The following KIAA0232 variants were observed in gnomAD, a reference collection of about 807,000 sequenced individuals.
KIAA0232 encodes the protein uncharacterized protein KIAA0232.
KIAA0232 carries 27 observed loss-of-function variants against 122.0 expected under a neutral mutation model. That is an observed-to-expected ratio of 0.22 (90% CI 0.16 to 0.31). The LOEUF is 0.31. KIAA0232 is among the 10% of genes least tolerant of loss of function. KIAA0232 has a pLI of 1.00. For missense variants in KIAA0232, 1,551 were observed against 1,634.2 expected, an observed-to-expected ratio of 0.95 and a Z score of 0.88; for synonymous variants, 613 against 587.6, an observed-to-expected ratio of 1.04 and a Z score of -0.63.
chr4:6,860,557 G>C (rs1371527909), intron 6 of KIAA0232, among the ~76,000 whole-genome samples: 2 of 152,200 alleles, frequency 1.3e-5, no homozygotes, highest in African/African-American at 4.8e-5. Flanking sequence ...TTCAAATTCA[G>C]ATAATGCTTA....
chr4:6,818,129 G>A (rs1718222750), intron 2 of KIAA0232, among the ~76,000 whole-genome samples: 1 of 152,070 alleles, frequency 6.6e-6, no homozygotes, highest in Non-Finnish European at 1.5e-5. Flanking sequence ...CAGGCTGGGT[G>A]AAGTGGCTCA....
Position 6,879,457 on chromosome 4 carries a change from G to A in KIAA0232, c.4009-1330G>A, listed in dbSNP as rs76044506. On this transcript the variant is annotated intron_variant, in intron 9 of 9. Transcript: ENST00000307659. ...GAGACAGATCCAAACTCCCCGCCAC[G>A]CCTCTACAGCCCTGTATGTTTTGCC... Among the ~76,000 whole-genome samples the A allele has an allele frequency of 5.7e-4, 86 of 152,176 alleles. No homozygotes were observed. In the East Asian group the frequency reaches 0.011, roughly 19 times the overall value.
intron 4 of KIAA0232, among the ~76,000 whole-genome samples, chr4:6,842,878 C>T (rs564044609): frequency 4.2e-4 from 64 of 152,172 alleles, no homozygotes; most frequent in South Asian, 8.3e-4. Context: ...CATGAGCCAT[C>T]GCGCCCGGCC....
rs1159054085 is a variant in KIAA0232 at position 6,804,515 on chromosome 4, T to C, written c.-353-8T>C. 1 of 152,252 alleles carries C rather than the reference T, an allele frequency of 6.6e-6. No individual in the cohort carries two copies. The highest frequency in any genetic ancestry group is 2.4e-5 in the African/African-American group (1 of 41,466). The allele number at this position is 152,252 out of a possible 1,614,324, so 9.4% of individuals were successfully genotyped here. ...TGATACTAAAATGCCTGCTTCACTGTTGTGTAGGTAGTGTACACTGATAAA... is the reference window on the plus strand; with the variant it reads ...TGATACTAAAATGCCTGCTTCACTGCTGTGTAGGTAGTGTACACTGATAAA... On this transcript the variant is annotated splice_region_variant and splice_polypyrimidine_tract_variant and intron_variant, in intron 1 of 9. Coordinates refer to ENST00000307659, the MANE Select transcript of KIAA0232 (RefSeq NM_014743.3).
intron 3 of KIAA0232, among the ~76,000 whole-genome samples, chr4:6,830,975 C>T (rs915059344): frequency 6.6e-6 from 1 of 151,742 alleles, no homozygotes; most frequent in Non-Finnish European, 1.5e-5. Flanking sequence ...TGAACCACCC[C>T]AAAAAAGTCC....
intron 3 of KIAA0232, among the ~76,000 whole-genome samples, chr4:6,836,528 CTTTT>C (rs1323217192): frequency 3.1e-5 from 3 of 95,702 alleles, no homozygotes; most frequent in Admixed American, 1.0e-4. Context: ...TGTCCTTTTT[CTTTT>C]TTTTTTTTCT....
At chr4:6,851,602 A>G (rs1257426855) in intron 4 of KIAA0232, among the ~76,000 whole-genome samples, 2 of 151,872 alleles carry the variant, frequency 1.3e-5, no homozygotes, top group African/African-American at 2.4e-5. Flanking sequence ...GTCCCCAGCT[A>G]CTTGGGAGGC....
chr4:6,825,704 A>G, intron 3 of KIAA0232, among the ~76,000 whole-genome samples: 1 of 152,186 alleles, frequency 6.6e-6, no homozygotes, highest in East Asian at 1.9e-4. Flanking sequence ...AACCAGAGTC[A>G]TCAGTACTGA....
chr4:6,861,511 G>C lies in KIAA0232; in HGVS notation c.1129G>C (p.Asp377His), dbSNP rs1401291913. The C allele has an allele frequency of 6.2e-7, 1 of 1,614,102 alleles. No homozygotes were observed. Among genetic ancestry groups the C allele is most frequent in the Admixed American group, 1.7e-5 (1 of 60,014 alleles). Residue 377 changes from aspartate to histidine, a missense_variant, in exon 7 of 10, where the codon GAT (aspartate) becomes CAT (histidine). Transcript: ENST00000307659. ...KRPLKEIGRK[D>H]PGSTEGKDLY... ...ACCTTTAAAAGAAATAGGGAGAAAA[G>C]ATCCTGGGAGCACTGAAGGAAAAGA...
rs1270046574 is a variant in KIAA0232, at chr4:6,857,081, C to T, written c.370-83C>T. 1.5e-5 allele frequency: 13 copies of T among 879,164 alleles called. No individual in the cohort carries two copies. In the East Asian group the frequency reaches 3.5e-4, roughly 23 times the overall value. The allele number at this position is 879,164 out of a possible 1,614,324, so 54.5% of individuals were successfully genotyped here. On this transcript the variant is annotated intron_variant, in intron 4 of 9. Coordinates refer to ENST00000307659, the MANE Select transcript of KIAA0232 (RefSeq NM_014743.3). Reference sequence around the variant, plus strand: ...TTGGAATGTGGATGATTTGTAAAACCTGTGTATTAAAACAAAAGTATACAA... The same window carrying T: ...TTGGAATGTGGATGATTTGTAAAACTTGTGTATTAAAACAAAAGTATACAA...
At position 6,808,957 on chromosome 4, in the gene KIAA0232, C is replaced by G. The variant is rs145767806; in HGVS notation, c.-270+4351C>G. ...TGATGAGGAACCCATTCCCAGGAGG[C>G]AGTTAGAGAATAGTATAAAAGGACA... On this transcript the variant is annotated intron_variant, in intron 2 of 9. Coordinates refer to ENST00000307659, the MANE Select transcript of KIAA0232 (RefSeq NM_014743.3). 3.9e-5 allele frequency among the ~76,000 whole-genome samples: 6 copies of G among 152,154 alleles called. No homozygotes were observed. The East Asian group carries it at 1.2e-3, about 29-fold the overall frequency.
intron 6 of KIAA0232, among the ~76,000 whole-genome samples, chr4:6,860,561 A>G (rs567299678): frequency 8.5e-5 from 13 of 152,206 alleles, no homozygotes; most frequent in South Asian, 4.1e-4. Flanking sequence ...AATTCAGATA[A>G]TGCTTACTGA....
rs1718561663 is a variant in KIAA0232, at chr4:6,824,203, A to G, written c.-251A>G. 4 of 537,880 alleles carry G rather than the reference A, an allele frequency of 7.4e-6. No individual in the cohort carries two copies. In the South Asian group the frequency reaches 1.2e-4, roughly 16 times the overall value. The allele number at this position is 537,880 out of a possible 1,614,324, so 33.3% of individuals were successfully genotyped here. A position where few individuals can be genotyped will look rare whatever the true frequency, so the allele number is the denominator to read the frequency against. On this transcript the variant is annotated 5_prime_UTR_variant, in exon 3 of 10. Transcript: ENST00000307659. ...TTTGTAGGTTCTGCCGGAGACTTCC[A>G]TTTGGCCTCAATGTGAAATTAAAGT...
chr4:6,868,566 T>G (rs555424081), intron 7 of KIAA0232, among the ~76,000 whole-genome samples: 43 of 151,926 alleles, frequency 2.8e-4, no homozygotes, highest in Middle Eastern at 3.4e-3. Flanking sequence ...GGTAAGAGAG[T>G]GAGCTGAGAG....
chr4:6,848,642 G>C (rs951515207), intron 4 of KIAA0232, among the ~76,000 whole-genome samples: 1 of 152,180 alleles, frequency 6.6e-6, no homozygotes, highest in Non-Finnish European at 1.5e-5. Flanking sequence ...TCCTCAGGGG[G>C]TCCTGGAAGC....
In KIAA0232 at chr4:6,883,425, CT is replaced by C. The variant is rs887173176; in HGVS notation, c.*2463del. 15 of 152,276 alleles carry C rather than the reference CT, an allele frequency of 9.9e-5. No individual in the cohort carries two copies. The highest frequency in any genetic ancestry group is 3.6e-4 in the African/African-American group (15 of 41,450). 9.4% of individuals were successfully genotyped at this position (152,276 alleles called of 1,614,324 possible). The stretch of plus-strand genomic sequence containing the variant: ...TTCTTTTGTAAAGAACTCCAGCTTC[CT>C]TTTACTCATGAGCATCCGTGGAAGA... On this transcript the variant is annotated 3_prime_UTR_variant, in exon 10 of 10. Transcript: ENST00000307659.
intron 2 of KIAA0232, among the ~76,000 whole-genome samples, chr4:6,805,221 G>T (rs1313440263): frequency 6.6e-6 from 1 of 152,036 alleles, no homozygotes; most frequent in Admixed American, 6.6e-5. Flanking sequence ...ATATCTAAAG[G>T]CTTGATTTAA....
intron 7 of KIAA0232, 35 bp from the exon 8 acceptor site, chr4:6,871,539 A>G: frequency 8.1e-7 from 1 of 1,235,210 alleles, no homozygotes; most frequent in Non-Finnish European, 1.2e-6. Context: ...CTGAAAGTTT[A>G]TAAACTTTTT....
intron 1 of KIAA0232, among the ~76,000 whole-genome samples, chr4:6,797,892 T>C (rs945628258): frequency 2.0e-5 from 3 of 151,286 alleles, no homozygotes; most frequent in African/African-American, 7.3e-5. Flanking sequence ...ACCCCATCTC[T>C]ACTAAAAATA....
Sources: allele counts gnomAD v4.1 joint callset (sites outside exome capture counted in the v4.1 genomes callset), GRCh38; gene constraint gnomAD v4.1.1; transcripts MANE v1.5; gene names NCBI Gene and HGNC (gene_info 2026-07-23, HGNC 2026-07-21).